Variants in WDR88 observed in about 807,000 individuals in gnomAD.
WDR88 encodes WD repeat-containing protein 88.
A neutral mutation model predicts 46.8 loss-of-function variants in WDR88; 40 were observed. The ratio of observed to expected loss-of-function variants is 0.86; its 90% confidence interval spans 0.66 to 1.11. WDR88 has a LOEUF of 1.11. Among genes scored for constraint, WDR88 ranks in the 50% most tolerant of loss-of-function variants. WDR88 has a pLI of 0.00. For missense variants in WDR88, 562 were observed against 602.4 expected (o/e 0.93, Z 0.70); for synonymous variants, 235 against 240.7 (o/e 0.98, Z 0.22).
At chr19:33,134,564 GCAGGGGCTGGGGTCGC>G (rs1480532564) in intron 1 of WDR88, among the ~76,000 whole-genome samples, 1 of 152,028 alleles carries the variant, frequency 6.6e-6, no homozygotes, top group Non-Finnish European at 1.5e-5. Flanking sequence ...TGCAGGGGCG[GCAGGGGCTGGGGTCGC>G]CAGAGGCGGG....
chr19:33,143,450 C>T (rs1439050768), intron 2 of WDR88, among the ~76,000 whole-genome samples: 1 of 151,236 alleles, frequency 6.6e-6, no homozygotes, highest in Non-Finnish European at 1.5e-5. Context: ...TTGAGACCAG[C>T]CTGGGTAATA....
chr19:33,174,089 T>G (rs1974085311), intron 10 of WDR88: 40 of 1,388,620 alleles, frequency 2.9e-5, no homozygotes, highest in Non-Finnish European at 3.9e-5. Flanking sequence ...TGAGCTCAAG[T>G]GATCCGCCCG....
intron 2 of WDR88, 63 bp downstream of exon 2, chr19:33,137,850 G>A: frequency 3.5e-6 from 5 of 1,410,316 alleles, no homozygotes; most frequent in Middle Eastern, 2.5e-4. Flanking sequence ...GGCACCTCCT[G>A]TGTCGAGTTC....
chr19:33,159,990 C>T (rs1426117689), intron 7 of WDR88, among the ~76,000 whole-genome samples: 6 of 151,920 alleles, frequency 3.9e-5, no homozygotes, highest in African/African-American at 1.5e-4. Flanking sequence ...ACAACCTAAT[C>T]CCTCGCATCC....
intron 8 of WDR88, among the ~76,000 whole-genome samples, chr19:33,163,029 C>T (rs1193672450): frequency 6.6e-6 from 1 of 152,058 alleles, no homozygotes; most frequent in African/African-American, 2.4e-5. Context: ...GAAACTCCAT[C>T]TCTATTAAAA....
intron 8 of WDR88, among the ~76,000 whole-genome samples, 191 bp downstream of exon 8, chr19:33,160,687 G>A (rs1973850552): frequency 6.6e-6 from 1 of 152,226 alleles, no homozygotes; most frequent in Non-Finnish European, 1.5e-5. Flanking sequence ...AACCACAACA[G>A]GGTGACATGA....
intron 8 of WDR88, 61 bp downstream of exon 8, chr19:33,160,557 C>T: frequency 6.4e-7 from 1 of 1,564,766 alleles, no homozygotes; most frequent in Non-Finnish European, 8.8e-7. Flanking sequence ...TTCCTGTGCT[C>T]AATGCTGGTT....
At chr19:33,143,622 G>A (rs1200142431) in intron 2 of WDR88, among the ~76,000 whole-genome samples, 1 of 149,384 alleles carries the variant, frequency 6.7e-6, no homozygotes, top group East Asian at 2.0e-4. Flanking sequence ...TCCAGCCTGG[G>A]TGATAGAGCA....
At chr19:33,150,651 G>A (rs527813500) in intron 5 of WDR88, among the ~76,000 whole-genome samples, 6 of 152,184 alleles carry the variant, frequency 3.9e-5, no homozygotes, top group African/African-American at 1.2e-4. Context: ...TATCGATGTG[G>A]CACTATGCCA....
At position 33,151,289 on chromosome 19, in the gene WDR88, C is replaced by T. The variant is rs760323135; in HGVS notation, c.788C>T (p.Ala263Val). The T allele has an allele frequency of 6.2e-7, 1 of 1,612,652 alleles. No individual in the cohort carries two copies. Among genetic ancestry groups the T allele is most frequent in the East Asian group, 2.2e-5 (1 of 44,844 alleles). The change falls in exon 6 of 11, where the codon GCC becomes GTC. Residue 263 changes from alanine (A) to valine (V), a missense_variant. Transcript: ENST00000355868. ...CIKIWDVTSQ[A>V]TLLTITKAHS... ...AAGATCTGGGATGTTACATCCCAGG[C>T]CACGCTGCTCACCATCACTAAGTGA... is the stretch of plus-strand genomic sequence containing the variant.
At chr19:33,175,093 G>C (rs969420866) in intron 10 of WDR88, 2 of 826,978 alleles carry the variant, frequency 2.4e-6, no homozygotes, top group Admixed American at 6.2e-5. Flanking sequence ...AAATTAGCAG[G>C]ATGTGGTGGT....
chr19:33,151,650 T>C (rs1479066552), intron 6 of WDR88, among the ~76,000 whole-genome samples: 3 of 151,464 alleles, frequency 2.0e-5, no homozygotes, highest in Admixed American at 2.0e-4. Flanking sequence ...GAGGCCAAAG[T>C]GGGAGGATCA....
At chr19:33,168,321 C>T (rs1307390570) in intron 9 of WDR88, among the ~76,000 whole-genome samples, 4 of 152,224 alleles carry the variant, frequency 2.6e-5, no homozygotes, top group South Asian at 2.1e-4. Flanking sequence ...CCACCGTGCC[C>T]GGCCCCAAAA....
At chr19:33,174,736 T>C in intron 10 of WDR88, 2 of 985,398 alleles carry the variant, frequency 2.0e-6, no homozygotes, top group Non-Finnish European at 2.4e-6. Flanking sequence ...CACAGAACAA[T>C]GGATGGGGCG....
intron 9 of WDR88, among the ~76,000 whole-genome samples, chr19:33,168,592 T>C (rs2145421500): frequency 6.6e-6 from 1 of 152,238 alleles, no homozygotes; most frequent in South Asian, 2.1e-4. Context: ...TACTATAAAG[T>C]ATTGCTGAAA....
intron 6 of WDR88, 114 bp from the exon 7 acceptor site, chr19:33,156,241 G>C: frequency 9.3e-7 from 1 of 1,079,040 alleles, no homozygotes; most frequent in South Asian, 1.5e-5. Context: ...CGAAGTGCTA[G>C]CATGTGCAGC....
At chr19:33,141,247 T>TTTTTTTTTG (rs1973389535) in intron 2 of WDR88, among the ~76,000 whole-genome samples, 1 of 134,086 alleles carries the variant, frequency 7.5e-6, no homozygotes, top group Non-Finnish European at 1.7e-5. Context: ...TTTTCTTTTT[T>TTTTTTTTTG]GACACAGGAT....
At chr19:33,163,556 T>TA (rs1973905653) in intron 8 of WDR88, among the ~76,000 whole-genome samples, 1 of 151,680 alleles carries the variant, frequency 6.6e-6, no homozygotes, top group Admixed American at 6.6e-5. Flanking sequence ...AGAATGTACA[T>TA]ATATCACATG....
chr19:33,157,397 C>T (rs1335302122), intron 7 of WDR88, among the ~76,000 whole-genome samples: 2 of 150,516 alleles, frequency 1.3e-5, no homozygotes, highest in Non-Finnish European at 2.9e-5. Flanking sequence ...ATTCGGGAGC[C>T]TCAGGCAGGA....
Sources: allele counts gnomAD v4.1 joint callset (sites outside exome capture counted in the v4.1 genomes callset), GRCh38; gene constraint gnomAD v4.1.1; transcripts MANE v1.5; gene names NCBI Gene and HGNC (gene_info 2026-07-23, HGNC 2026-07-21).